PRKG1: variants seen among roughly 807,000 people sequenced by gnomAD.
The protein encoded by PRKG1 is cGMP-dependent protein kinase 1.
A neutral mutation model predicts 88.1 loss-of-function variants in PRKG1; 35 were observed. That is an observed-to-expected ratio of 0.40 (90% CI 0.30 to 0.53). PRKG1 has a LOEUF of 0.53. Ranked by LOEUF, PRKG1 falls within the 20% of genes least tolerant of loss-of-function variation. The pLI is 0.59. For synonymous variants in PRKG1, 303 were observed against 292.5 expected (o/e 1.04, Z -0.37); for missense variants, 540 against 839.8 (o/e 0.64, Z 4.41).
intron 4 of PRKG1, among the ~76,000 whole-genome samples, chr10:51,879,648 C>T (rs1360303916): frequency 6.6e-6 from 1 of 152,128 alleles, no homozygotes; most frequent in Admixed American, 6.5e-5. Flanking sequence ...ACCTGCCTCC[C>T]TTGGTAGGAA....
chr10:51,539,644 T>C (rs2132109023), intron 3 of PRKG1, among the ~76,000 whole-genome samples: 1 of 152,292 alleles, frequency 6.6e-6, no homozygotes, highest in South Asian at 2.1e-4. Flanking sequence ...AAGGACTTTA[T>C]GCCTTGCTGT....
intron 10 of PRKG1, among the ~76,000 whole-genome samples, chr10:52,258,811 G>A (rs1429395049): frequency 2.6e-5 from 4 of 152,044 alleles, no homozygotes; most frequent in African/African-American, 9.7e-5. Flanking sequence ...ATGCAGAAAT[G>A]TTCTTAGTAT....
intron 3 of PRKG1, among the ~76,000 whole-genome samples, chr10:51,574,558 T>C (rs927574429): frequency 6.6e-6 from 1 of 152,002 alleles, no homozygotes; most frequent in South Asian, 2.1e-4. Flanking sequence ...ATTGAGGCTT[T>C]AGATTCAATT....
intron 4 of PRKG1, among the ~76,000 whole-genome samples, chr10:51,858,639 G>A (rs1302426287): frequency 6.7e-6 from 1 of 149,904 alleles, no homozygotes; most frequent in Non-Finnish European, 1.5e-5. Context: ...TCACATGCCT[G>A]TACATTTTTG....
At chr10:51,661,668 T>C (rs1238625819) in intron 3 of PRKG1, among the ~76,000 whole-genome samples, 1 of 152,226 alleles carries the variant, frequency 6.6e-6, no homozygotes, top group Non-Finnish European at 1.5e-5. Context: ...GAAGACAGTG[T>C]GGCAATTCCT....
chr10:51,068,694 T>C (rs1317434788), intron 1 of PRKG1: 1 of 152,010 alleles, frequency 6.6e-6, no homozygotes, highest in Non-Finnish European at 1.5e-5. Context: ...TCAAAATTAC[T>C]TTTAAAAATA....
intron 1 of PRKG1, among the ~76,000 whole-genome samples, chr10:51,135,278 A>G (rs1028064385): frequency 2.0e-5 from 3 of 152,180 alleles, no homozygotes; most frequent in African/African-American, 7.2e-5. Context: ...AAACCTTTTT[A>G]GGCAGAGAGA....
At chr10:51,616,283 T>G (rs558961050) in intron 3 of PRKG1, among the ~76,000 whole-genome samples, 23 of 152,318 alleles carry the variant, frequency 1.5e-4, no homozygotes, top group African/African-American at 5.5e-4. Flanking sequence ...GGTTCACTTC[T>G]TGGCCCTTCA....
intron 2 of PRKG1, among the ~76,000 whole-genome samples, chr10:51,294,483 A>AGT (rs35577434): frequency 0.24 from 36,296 of 151,894 alleles, 4,410 homozygotes; most frequent in Admixed American, 0.37. Flanking sequence ...TCCTTTCCCC[A>AGT]GTGTGTGTTC....
chr10:51,971,942 G>C (rs908790745), intron 5 of PRKG1, among the ~76,000 whole-genome samples: 1 of 152,046 alleles, frequency 6.6e-6, no homozygotes, highest in Non-Finnish European at 1.5e-5. Flanking sequence ...TAGATATAAC[G>C]CATTTTACCA....
At chr10:52,073,736 T>G (rs920151617) in intron 7 of PRKG1, among the ~76,000 whole-genome samples, 6 of 152,142 alleles carry the variant, frequency 3.9e-5, no homozygotes, top group Admixed American at 3.9e-4. Flanking sequence ...GGACCTTAAT[T>G]AAAAGATACC....
chr10:51,534,677 A>AAC (rs1842101351), intron 3 of PRKG1, among the ~76,000 whole-genome samples: 1 of 150,974 alleles, frequency 6.6e-6, no homozygotes, highest in South Asian at 2.2e-4. Context: ...AAAAAAAAAA[A>AAC]AAAAAGAAAG....
intron 2 of PRKG1, among the ~76,000 whole-genome samples, chr10:51,301,880 G>A (rs1362486234): frequency 6.6e-6 from 1 of 152,216 alleles, no homozygotes; most frequent in South Asian, 2.1e-4. Context: ...GAGCAAAGCA[G>A]TATGAGCCGT....
intron 5 of PRKG1, among the ~76,000 whole-genome samples, chr10:51,938,486 T>A (rs926426277): frequency 6.6e-6 from 1 of 152,034 alleles, no homozygotes; most frequent in Non-Finnish European, 1.5e-5. Flanking sequence ...TGGAAAGACA[T>A]TTGAATTTTA....
At chr10:52,193,444 A>T (rs1368810354) in intron 9 of PRKG1, among the ~76,000 whole-genome samples, 3 of 150,150 alleles carry the variant, frequency 2.0e-5, no homozygotes, top group African/African-American at 7.3e-5. Flanking sequence ...GCTACTTGGG[A>T]GGCTGAGGCA....
intron 3 of PRKG1, among the ~76,000 whole-genome samples, chr10:51,499,911 A>G (rs1840972849): frequency 6.6e-6 from 1 of 152,202 alleles, no homozygotes; most frequent in African/African-American, 2.4e-5. Flanking sequence ...GTGAGCCAGG[A>G]TCATGCCACT....
intron 3 of PRKG1, among the ~76,000 whole-genome samples, chr10:51,506,878 A>G (rs1285577236): frequency 2.0e-5 from 3 of 152,146 alleles, no homozygotes; most frequent in Non-Finnish European, 4.4e-5. Context: ...ACTAATCACA[A>G]TAGCAAAGAC....
rs146969517 is a variant in PRKG1 at position 51,541,750 on chromosome 10, TA to T, written c.592+73915del. Among the ~76,000 whole-genome samples the T allele has an allele frequency of 3.8e-3, 585 of 152,198 alleles. 1 individual carries two copies. The highest frequency in any genetic ancestry group is 0.014 in the African/African-American group (563 of 41,540). ...TTTATTTTCAGAAAAAAAAACAAAC[TA>T]TTTTTTTGTAGAATAGATTAGTCTT... On this transcript the variant is annotated intron_variant, in intron 3 of 17. Transcript: ENST00000373980.
intron 8 of PRKG1, among the ~76,000 whole-genome samples, chr10:52,140,912 C>T (rs1047992706): frequency 2.2e-4 from 34 of 152,082 alleles, no homozygotes; most frequent in African/African-American, 7.5e-4. Context: ...CATGTCACAT[C>T]GCCCGTTGTC....
Sources: allele counts gnomAD v4.1 joint callset (sites outside exome capture counted in the v4.1 genomes callset), GRCh38; gene constraint gnomAD v4.1.1; transcripts MANE v1.5; gene names NCBI Gene and HGNC (gene_info 2026-07-23, HGNC 2026-07-21).